The following COL24A1 variants were observed in gnomAD, a reference collection of about 807,000 sequenced individuals.
COL24A1 encodes the protein collagen type XXIV alpha 1 chain, also known as collagen alpha-1(XXIV) chain.
In COL24A1, 224 loss-of-function variants were observed where a neutral mutation model predicts 253.9. The ratio of observed to expected loss-of-function variants is 0.88; its 90% CI spans 0.79 to 0.99. The LOEUF (loss-of-function observed/expected upper bound fraction) is 0.99. Among genes scored for constraint, COL24A1 ranks in the 50% least tolerant of loss-of-function variants. The pLI is 0.00. For synonymous variants in COL24A1, 685 were observed against 673.7 expected (o/e 1.02, Z -0.26); for missense variants, 2,131 against 2,068.5 (o/e 1.03, Z -0.59).
intron 12 of COL24A1, among the ~76,000 whole-genome samples, 169 bp from the exon 13 acceptor site, chr1:86,034,092 T>C (rs1698811147): frequency 6.6e-6 from 1 of 152,030 alleles, no homozygotes; most frequent in Non-Finnish European, 1.5e-5. Flanking sequence ...ATACAATATT[T>C]CAAAAAATAA....
chr1:85,957,496 T>C (rs77615990), intron 24 of COL24A1, among the ~76,000 whole-genome samples: 301 of 152,330 alleles, frequency 2.0e-3, no homozygotes, highest in African/African-American at 6.9e-3. Flanking sequence ...ACAGTCTATA[T>C]GCCATTTCCT....
Position 85,760,141 on chromosome 1 carries a change from C to T in COL24A1, c.4437+1255G>A, listed in dbSNP as rs913910822. ...AGGCTGGAGTGCGGTGGCATGATCT[C>T]GGCTCACTGCAACCTCTGCCTCCCG... On this transcript the variant is annotated intron_variant, in intron 55 of 59. Transcript: ENST00000370571. 3.3e-5 allele frequency among the ~76,000 whole-genome samples: 5 copies of T among 151,706 alleles called. 1 individual carries two copies. The highest frequency in any genetic ancestry group is 3.9e-4 in the East Asian group (2 of 5,152).
intron 12 of COL24A1, among the ~76,000 whole-genome samples, chr1:86,041,828 G>A (rs1699512524): frequency 6.6e-6 from 1 of 152,072 alleles, no homozygotes; most frequent in Non-Finnish European, 1.5e-5. Context: ...GACCAATAAA[G>A]GTTGTCCACT....
chr1:86,021,543 T>C (rs945961811), intron 18 of COL24A1, among the ~76,000 whole-genome samples: 2 of 152,118 alleles, frequency 1.3e-5, no homozygotes, highest in African/African-American at 4.8e-5. Context: ...GGAATAATAA[T>C]AGTACCAACT....
chr1:85,897,528 A>T (rs750729275), intron 28 of COL24A1, among the ~76,000 whole-genome samples: 1 of 152,170 alleles, frequency 6.6e-6, no homozygotes, highest in Non-Finnish European at 1.5e-5. Flanking sequence ...AATTACTGGG[A>T]GATGGCAGGG....
intron 24 of COL24A1, among the ~76,000 whole-genome samples, chr1:85,918,417 T>G (rs1686119109): frequency 1.3e-5 from 2 of 152,192 alleles, no homozygotes; most frequent in African/African-American, 4.8e-5. Flanking sequence ...CATGGCTTAT[T>G]TCTAAGCTTT....
At chr1:85,740,886 G>A (rs1204915778) in intron 57 of COL24A1, among the ~76,000 whole-genome samples, 7 of 147,066 alleles carry the variant, frequency 4.8e-5, no homozygotes, top group African/African-American at 1.2e-4. Flanking sequence ...GAGGCGGGCA[G>A]ATCACGAGGT....
chr1:85,739,963 C>T (rs1056550001), intron 57 of COL24A1, among the ~76,000 whole-genome samples: 1 of 152,146 alleles, frequency 6.6e-6, no homozygotes, highest in African/African-American at 2.4e-5. Context: ...TCACTTTCAT[C>T]GGGACCTACT....
intron 35 of COL24A1, among the ~76,000 whole-genome samples, chr1:85,870,945 C>T (rs558055169): frequency 7.9e-5 from 12 of 151,900 alleles, no homozygotes; most frequent in South Asian, 4.2e-4. Context: ...ATTGATAGAC[C>T]GCTAGCAATA....
intron 58 of COL24A1, chr1:85,736,640 C>A (rs1664090503): frequency 3.3e-5 from 12 of 363,276 alleles, no homozygotes; most frequent in South Asian, 2.3e-4. Context: ...TAAGAAGCAG[C>A]TAAAGAGATT....
intron 28 of COL24A1, among the ~76,000 whole-genome samples, chr1:85,902,942 A>G (rs1684464825): frequency 6.6e-6 from 1 of 152,196 alleles, no homozygotes; most frequent in Non-Finnish European, 1.5e-5. Context: ...GATAAATGCT[A>G]AAGGTAATGA....
chr1:86,103,727 T>G (rs943617414), intron 5 of COL24A1, among the ~76,000 whole-genome samples: 2 of 152,224 alleles, frequency 1.3e-5, no homozygotes, highest in African/African-American at 4.8e-5. Flanking sequence ...CTTCTGGCAA[T>G]GTATGGTTTC....
chr1:86,117,592 T>C (rs931950672), intron 3 of COL24A1, among the ~76,000 whole-genome samples: 54 of 152,370 alleles, frequency 3.5e-4, no homozygotes, highest in African/African-American at 1.3e-3. Flanking sequence ...ATTTGAATTG[T>C]TTGATAAGCA....
At chr1:85,823,416 A>T in intron 45 of COL24A1, 120 bp downstream of exon 45, 2 of 895,362 alleles carry the variant, frequency 2.2e-6, no homozygotes, top group South Asian at 3.0e-5. Context: ...GCCCATAGTG[A>T]TCCATATTCT....
intron 2 of COL24A1, among the ~76,000 whole-genome samples, chr1:86,140,308 T>G (rs569271409): frequency 9.2e-5 from 14 of 152,212 alleles, no homozygotes; most frequent in Non-Finnish European, 1.8e-4. Flanking sequence ...ACACCTGTGC[T>G]TAAATACCAC....
Position 85,847,750 on chromosome 1 carries a change from G to A in COL24A1, c.3377C>T (p.Pro1126Leu). The change falls in exon 39 of 60, where the codon CCC (proline) becomes CTC (leucine). Residue 1126 changes from proline to leucine, a missense_variant. By Grantham distance (98) the Pro-to-Leu change is moderately conservative. Transcript: ENST00000370571. ...GKKGDKGQIG[P>L]TGEVGSRGPP... Reference sequence around the variant, plus strand: ...ACCTCTGCTTCCAACTTCTCCTGTGGGTCCTATTTGTCCTTTATCACCCTG... The same window carrying A: ...ACCTCTGCTTCCAACTTCTCCTGTGAGTCCTATTTGTCCTTTATCACCCTG... The A allele has an allele frequency of 1.2e-6, 2 of 1,613,364 alleles. No homozygotes were observed. The highest frequency in any genetic ancestry group is 1.7e-6 in the Non-Finnish European group (2 of 1,179,624).
chr1:86,065,756 T>TAAAA (rs71078636), intron 7 of COL24A1, among the ~76,000 whole-genome samples: 3 of 118,578 alleles, frequency 2.5e-5, no homozygotes, highest in Non-Finnish European at 5.4e-5. Flanking sequence ...TAGCAACCTC[T>TAAAA]AAAAAAAAAA....
intron 3 of COL24A1, among the ~76,000 whole-genome samples, chr1:86,116,184 C>A (rs1360014836): frequency 6.6e-6 from 1 of 152,060 alleles, no homozygotes; most frequent in Non-Finnish European, 1.5e-5. Context: ...TGTTACTGAG[C>A]ACTCTGTGAT....
chr1:85,789,911 A>G (rs1167623389), intron 47 of COL24A1, among the ~76,000 whole-genome samples: 1 of 152,116 alleles, frequency 6.6e-6, no homozygotes, highest in Non-Finnish European at 1.5e-5. Flanking sequence ...CAACTTGATC[A>G]TGGTGGATAA....
Sources: gnomAD v4.1 joint callset for allele counts (sites outside exome capture counted in the v4.1 genomes callset) on GRCh38, gnomAD v4.1.1 for gene constraint, MANE v1.5 for transcripts, NCBI Gene and HGNC (gene_info 2026-07-23, HGNC 2026-07-21) for gene names.